Variants in IFNAR1 observed in about 807,000 individuals in gnomAD.
IFNAR1 encodes interferon alpha and beta receptor subunit 1.
A neutral mutation model predicts 62.1 loss-of-function variants in IFNAR1; 47 were observed. The observed-to-expected ratio is 0.76, with a 90% CI of 0.60 to 0.97. The LOEUF is 0.97. Among genes scored for constraint, IFNAR1 ranks in the 50% least tolerant of loss-of-function variants. The pLI, the probability that IFNAR1 is intolerant of heterozygous loss-of-function variation, is 0.00. For synonymous variants in IFNAR1, 219 were observed against 226.9 expected (o/e 0.97, Z 0.31); for missense variants, 638 against 654.5 (o/e 0.97, Z 0.27).
rs1255612148 is a variant in IFNAR1, at chr21:33,358,881, C to G, written c.*3332C>G. The G allele has an allele frequency of 6.6e-6, 1 of 151,856 alleles. No homozygotes were observed. The highest frequency in any genetic ancestry group is 2.4e-5 in the African/African-American group (1 of 41,306). 9.4% of individuals were successfully genotyped at this position (151,856 alleles called of 1,614,324 possible). A position where few individuals can be genotyped will look rare whatever the true frequency, so the allele number is the denominator to read the frequency against. On this transcript the variant is annotated 3_prime_UTR_variant, in exon 11 of 11. Transcript: ENST00000270139. Reference sequence around the variant, plus strand: ...TAAAACTTAGAGTTTTTATCTTCCCCTAAAAGAGGCCGTGATATTTGCAGC... The same window carrying G: ...TAAAACTTAGAGTTTTTATCTTCCCGTAAAAGAGGCCGTGATATTTGCAGC...
chr21:33,326,601 A>G (rs2083129209), intron 1 of IFNAR1, among the ~76,000 whole-genome samples: 1 of 152,148 alleles, frequency 6.6e-6, no homozygotes, highest in South Asian at 2.1e-4. Context: ...CAAAGAATTG[A>G]CTTATGAATG....
chr21:33,327,890 A>T (rs1312572194), intron 1 of IFNAR1, among the ~76,000 whole-genome samples: 1 of 152,212 alleles, frequency 6.6e-6, no homozygotes, highest in Non-Finnish European at 1.5e-5. Context: ...CTTCCAGGTC[A>T]TAGGTAGATT....
At chr21:33,325,183 G>A (rs760977071) in intron 1 of IFNAR1, 52 bp downstream of exon 1, 2 of 1,484,804 alleles carry the variant, frequency 1.3e-6, no homozygotes, top group Admixed American at 3.6e-5. Flanking sequence ...AGGGCACGCA[G>A]CTGGGCTACG....
intron 10 of IFNAR1, among the ~76,000 whole-genome samples, chr21:33,354,113 C>T (rs1374265898): frequency 2.0e-5 from 3 of 152,252 alleles, no homozygotes; most frequent in Non-Finnish European, 2.9e-5. Flanking sequence ...GAGGCTGAGG[C>T]GGGTGGGTCA....
intron 10 of IFNAR1, 79 bp downstream of exon 10, chr21:33,353,862 AGG>A: frequency 1.0e-6 from 1 of 952,664 alleles, no homozygotes; most frequent in Non-Finnish European, 1.6e-6. Flanking sequence ...GGATATATGT[AGG>A]TTTTCTTGAT....
intron 1 of IFNAR1, among the ~76,000 whole-genome samples, chr21:33,330,787 G>A (rs369178667): frequency 6.6e-6 from 1 of 152,168 alleles, no homozygotes. Context: ...ATCTGGGAAC[G>A]AGGAGGAACT....
In IFNAR1 at chr21:33,349,236, G is replaced by T. The variant is rs752375500; in HGVS notation, c.934G>T (p.Gly312Ter). 13 of 1,613,170 alleles carry T rather than the reference G, an allele frequency of 8.1e-6. No homozygotes were observed. The Admixed American group carries it at 1.8e-4, about 23-fold the overall frequency. Residue 312 changes from glycine (G) to a stop codon, truncating the protein, a stop_gained, in exon 7 of 11, where the codon GGA becomes TGA. Transcript: ENST00000270139. LOFTEE classifies it high-confidence loss of function. The part of the protein sequence containing the change: ...IYLLRVQASD[G>*]NNTSFWSEEI... ...CCTTCTCCGCGTACAAGCATCTGATGGAAATAACACATCTTTTTGGTCTGA... is the reference window on the plus strand; with the variant it reads ...CCTTCTCCGCGTACAAGCATCTGATTGAAATAACACATCTTTTTGGTCTGA...
At chr21:33,331,932 G>T (rs1395929905) in intron 1 of IFNAR1, among the ~76,000 whole-genome samples, 1 of 152,134 alleles carries the variant, frequency 6.6e-6, no homozygotes, top group Non-Finnish European at 1.5e-5. Flanking sequence ...AGCACCTCCA[G>T]GTCACAAATC....
rs747603482 is a variant in IFNAR1, at chr21:33,352,839, C to G, written c.1225C>G (p.His409Asp). 3.1e-6 allele frequency: 5 copies of G among 1,605,988 alleles called. No homozygotes were observed. Among genetic ancestry groups the G allele is most frequent in the Non-Finnish European group, 4.3e-6 (5 of 1,174,296 alleles). ...TGTATATTGTGTGAAAGCCAGAGCA[C>G]ACACCATGGATGAAAAGCTGAATAA... ...LTVYCVKARA[H>D]TMDEKLNKSS... The change falls in exon 9 of 11, where the codon CAC (histidine) becomes GAC (aspartate). Residue 409 changes from histidine to aspartate, a missense_variant. Physicochemically the swap from His to Asp is moderately conservative, Grantham distance 81. Coordinates refer to ENST00000270139, the MANE Select transcript of IFNAR1 (RefSeq NM_000629.3).
Position 33,354,041 on chromosome 21 carries a change from G to A in IFNAR1, c.1440+258G>A, listed in dbSNP as rs76397563. 1.9e-3 allele frequency among the ~76,000 whole-genome samples: 289 copies of A among 152,210 alleles called. 1 individual carries two copies. Among genetic ancestry groups the A allele is most frequent in the African/African-American group, 6.7e-3 (280 of 41,532 alleles). On this transcript the variant is annotated intron_variant, in intron 10 of 10. Coordinates refer to ENST00000270139, the MANE Select transcript of IFNAR1 (RefSeq NM_000629.3). ...GATTCACTGTGGCATTTGTTTTACCGTTTAAAGCCTGTGATTCTTGGCCAA... is the reference window on the plus strand; with the variant it reads ...GATTCACTGTGGCATTTGTTTTACCATTTAAAGCCTGTGATTCTTGGCCAA...
At chr21:33,346,574 T>G (rs1439547453) in intron 6 of IFNAR1, among the ~76,000 whole-genome samples, 1 of 152,254 alleles carries the variant, frequency 6.6e-6, no homozygotes, top group Non-Finnish European at 1.5e-5. Flanking sequence ...GAGGTATTTC[T>G]GATAGCTGAT....
intron 2 of IFNAR1, among the ~76,000 whole-genome samples, chr21:33,339,149 A>G (rs555163804): frequency 6.6e-6 from 1 of 152,336 alleles, no homozygotes; most frequent in Admixed American, 6.5e-5. Flanking sequence ...GAAGTAGGAA[A>G]GACAGATGTA....
At chr21:33,332,198 T>A (rs529116614) in intron 1 of IFNAR1, among the ~76,000 whole-genome samples, 2 of 152,276 alleles carry the variant, frequency 1.3e-5, no homozygotes, top group African/African-American at 4.8e-5. Flanking sequence ...CCTAAAAGCC[T>A]TCAACACTGA....
At chr21:33,325,615 G>A (rs934320854) in intron 1 of IFNAR1, among the ~76,000 whole-genome samples, 1 of 152,114 alleles carries the variant, frequency 6.6e-6, no homozygotes, top group African/African-American at 2.4e-5. Context: ...AAGCATAATT[G>A]TCAGTTCTCG....
At chr21:33,343,513 C>T (rs765266343) in intron 4 of IFNAR1, 22 bp from the exon 5 acceptor site, 5 of 1,533,806 alleles carry the variant, frequency 3.3e-6, no homozygotes, top group Non-Finnish European at 4.5e-6. Context: ...TTTTAAAGAA[C>T]CAACTTATAT....
intron 10 of IFNAR1, 40 bp downstream of exon 10, chr21:33,353,823 A>G: frequency 7.8e-7 from 1 of 1,285,024 alleles, no homozygotes; most frequent in Non-Finnish European, 1.1e-6. Context: ...CAGCTAGGTA[A>G]TGAACAGAAA....
At chr21:33,335,778 T>A in intron 2 of IFNAR1, 131 bp downstream of exon 2, 1 of 724,404 alleles carries the variant, frequency 1.4e-6, no homozygotes, top group Non-Finnish European at 2.1e-6. Context: ...CTATTTTACA[T>A]AATATTTTTA....
At chr21:33,345,008 G>A (rs1349170777) in intron 5 of IFNAR1, among the ~76,000 whole-genome samples, 8 of 151,910 alleles carry the variant, frequency 5.3e-5, no homozygotes, top group Admixed American at 2.6e-4. Context: ...GGCGCGTCTC[G>A]AACTCCTGAC....
Position 33,341,018 on chromosome 21 carries a change from A to G in IFNAR1, c.220A>G (p.Ile74Val). 3.7e-6 allele frequency: 6 copies of G among 1,610,084 alleles called. No homozygotes were observed. Among genetic ancestry groups the G allele is most frequent in the South Asian group, 1.1e-5 (1 of 90,860 alleles). ...TTAAAGAACTGGGATGGATAATTGG[A>G]TAAAATTGTCTGGGTGTCAGAATAT... ...DYQKTGMDNW[I>V]KLSGCQNITS... Residue 74 changes from isoleucine to valine, a missense_variant, in exon 3 of 11, where the codon ATA becomes GTA. By Grantham distance (29) the Ile-to-Val change is conservative (BLOSUM62 3). Transcript: ENST00000270139.
Sources: gnomAD v4.1 joint callset for allele counts (sites outside exome capture counted in the v4.1 genomes callset) on GRCh38, gnomAD v4.1.1 for gene constraint, MANE v1.5 for transcripts, NCBI Gene and HGNC (gene_info 2026-07-23, HGNC 2026-07-21) for gene names.